NOL4: variants seen among roughly 807,000 people sequenced by gnomAD.
NOL4 encodes the protein cancer/testis antigen 125.
Under a neutral mutation model 75.9 loss-of-function variants are expected in NOL4, and 17 were observed. The observed-to-expected ratio is 0.22, with a 90% confidence interval of 0.15 to 0.34. The LOEUF (loss-of-function observed/expected upper bound fraction) is 0.34. Among genes scored for constraint, NOL4 ranks in the 10% least tolerant of loss-of-function variants. NOL4 has a pLI of 1.00. For synonymous variants in NOL4, 292 were observed against 289.9 expected, an observed-to-expected ratio of 1.01 and a Z score of -0.07; for missense variants, 614 against 793.5, an observed-to-expected ratio of 0.77 and a Z score of 2.72.
At chr18:34,151,100 T>C (rs2081618666) in intron 1 of NOL4, among the ~76,000 whole-genome samples, 1 of 151,780 alleles carries the variant, frequency 6.6e-6, no homozygotes, top group Admixed American at 6.6e-5. Context: ...AAAAAGAACG[T>C]TAATTGTGCA....
intron 5 of NOL4, among the ~76,000 whole-genome samples, chr18:34,021,857 C>A (rs2075059323): frequency 6.6e-6 from 1 of 152,054 alleles, no homozygotes; most frequent in African/African-American, 2.4e-5. Flanking sequence ...GGCTCATGCA[C>A]TTTGGGAGGC....
chr18:34,126,627 C>G (rs1215010021), intron 2 of NOL4, among the ~76,000 whole-genome samples: 1 of 152,008 alleles, frequency 6.6e-6, no homozygotes, highest in African/African-American at 2.4e-5. Context: ...TCTGAACTCG[C>G]TTACCCTGTG....
chr18:34,203,717 T>TCTCTCTCTCACA (rs1261546835), intron 1 of NOL4, among the ~76,000 whole-genome samples: 99 of 72,284 alleles, frequency 1.4e-3, no homozygotes, highest in East Asian at 5.5e-3. Flanking sequence ...TCTCTCTCTC[T>TCTCTCTCTCACA]CACACACACA....
intron 6 of NOL4, among the ~76,000 whole-genome samples, chr18:33,980,207 G>A (rs567170826): frequency 2.0e-4 from 31 of 152,070 alleles, no homozygotes; most frequent in African/African-American, 7.0e-4. Context: ...CACATCCATG[G>A]GAACCACTAT....
intron 1 of NOL4, among the ~76,000 whole-genome samples, chr18:34,145,216 A>G (rs183894932): frequency 6.6e-6 from 1 of 152,230 alleles, no homozygotes; most frequent in East Asian, 1.9e-4. Flanking sequence ...TGGAAATTGT[A>G]ATAGAGAATT....
intron 4 of NOL4, among the ~76,000 whole-genome samples, chr18:34,099,520 T>G (rs1483667878): frequency 6.6e-6 from 1 of 152,112 alleles, no homozygotes; most frequent in Non-Finnish European, 1.5e-5. Flanking sequence ...TTCTATGCAT[T>G]TCATTACCAG....
At chr18:33,984,826 C>T (rs968622631) in intron 6 of NOL4, among the ~76,000 whole-genome samples, 1 of 152,046 alleles carries the variant, frequency 6.6e-6, no homozygotes. Context: ...TAAAACAATA[C>T]AAAACAACAA....
intron 9 of NOL4, among the ~76,000 whole-genome samples, chr18:33,912,481 G>C (rs1303282699): frequency 6.6e-6 from 1 of 151,898 alleles, no homozygotes; most frequent in Non-Finnish European, 1.5e-5. Flanking sequence ...CATTTGAAAG[G>C]CTTTAAAATG....
chr18:33,903,799 T>C (rs1015740409), intron 9 of NOL4, among the ~76,000 whole-genome samples: 2 of 152,138 alleles, frequency 1.3e-5, no homozygotes, highest in African/African-American at 4.8e-5. Flanking sequence ...GTCTTGTTTC[T>C]CTTCAGAATT....
intron 4 of NOL4, among the ~76,000 whole-genome samples, chr18:34,102,800 GT>G (rs150015654): frequency 1.5e-4 from 23 of 151,070 alleles, no homozygotes; most frequent in Admixed American, 7.9e-4. Flanking sequence ...CATGAAGATA[GT>G]TTTTTTTTAT....
chr18:34,124,758 T>A (rs983535764), intron 2 of NOL4, among the ~76,000 whole-genome samples: 11 of 151,950 alleles, frequency 7.2e-5, no homozygotes, highest in Non-Finnish European at 8.8e-5. Flanking sequence ...TACAAAAAAA[T>A]TAACCAGCCA....
At chr18:34,149,828 G>T (rs768298697) in intron 1 of NOL4, among the ~76,000 whole-genome samples, 1 of 151,590 alleles carries the variant, frequency 6.6e-6, no homozygotes, top group Non-Finnish European at 1.5e-5. Flanking sequence ...TTTGAAAATG[G>T]AATACCTAGA....
chr18:34,046,617 T>TATATATATATA (rs1247418461), intron 5 of NOL4, among the ~76,000 whole-genome samples: 2 of 118,716 alleles, frequency 1.7e-5, no homozygotes, highest in African/African-American at 5.7e-5. Context: ...CATATATATA[T>TATATATATATA]ATATATATAT....
chr18:33,998,409 C>A (rs1437414382), intron 6 of NOL4, among the ~76,000 whole-genome samples: 2 of 151,998 alleles, frequency 1.3e-5, no homozygotes, highest in African/African-American at 2.4e-5. Context: ...TCCATGAATG[C>A]TCCCCAGTAT....
intron 9 of NOL4, among the ~76,000 whole-genome samples, chr18:33,886,946 AGATATAT>A (rs2064744383): frequency 7.6e-6 from 1 of 130,936 alleles, no homozygotes. Flanking sequence ...CTATATATCT[AGATATAT>A]TATATCTAGA....
At chr18:34,083,126 A>G (rs2078086637) in intron 5 of NOL4, among the ~76,000 whole-genome samples, 1 of 152,186 alleles carries the variant, frequency 6.6e-6, no homozygotes, top group African/African-American at 2.4e-5. Flanking sequence ...ATACCCATAC[A>G]TATATACACA....
intron 1 of NOL4, among the ~76,000 whole-genome samples, chr18:34,143,023 G>C (rs1347236771): frequency 2.7e-5 from 4 of 150,868 alleles, no homozygotes; most frequent in Non-Finnish European, 5.9e-5. Context: ...TAATGGTTTT[G>C]GATTTTGAGT....
At chr18:33,954,905 T>C (rs573119332) in intron 8 of NOL4, among the ~76,000 whole-genome samples, 100 of 152,014 alleles carry the variant, frequency 6.6e-4, no homozygotes, top group Non-Finnish European at 5.7e-4. Context: ...TCAAAATTAA[T>C]AAGGAGGATA....
intron 2 of NOL4, among the ~76,000 whole-genome samples, chr18:34,106,765 A>G (rs2079303803): frequency 1.3e-5 from 2 of 152,008 alleles, no homozygotes; most frequent in Non-Finnish European, 2.9e-5. Context: ...TACAGAGGGA[A>G]TAAACACTTC....
Sources: allele counts gnomAD v4.1 joint callset (sites outside exome capture counted in the v4.1 genomes callset), GRCh38; gene constraint gnomAD v4.1.1; transcripts MANE v1.5; gene names NCBI Gene and HGNC (gene_info 2026-07-23, HGNC 2026-07-21).